The following SBF2 variants were observed in gnomAD, a reference collection of about 807,000 sequenced individuals.
SBF2 encodes the protein SET binding factor 2.
In SBF2, 112 loss-of-function variants were observed where a neutral mutation model predicts 225.2. The observed-to-expected ratio is 0.50, with a 90% CI of 0.43 to 0.58. The LOEUF (loss-of-function observed/expected upper bound fraction) is 0.58. Among genes scored for constraint, SBF2 ranks in the 20% least tolerant of loss-of-function variants. SBF2 has a pLI of 0.00. For missense variants in SBF2, 1,996 were observed against 2,206.2 expected (o/e 0.90, Z 1.91); for synonymous variants, 763 against 773.3 (o/e 0.99, Z 0.22).
intron 16 of SBF2, among the ~76,000 whole-genome samples, chr11:9,906,613 G>T (rs1590394732): frequency 6.6e-6 from 1 of 152,144 alleles, no homozygotes; most frequent in South Asian, 2.1e-4. Context: ...TTGAAAGAGG[G>T]AAAAAATTTA....
intron 17 of SBF2, among the ~76,000 whole-genome samples, chr11:9,887,696 G>C (rs867420647): frequency 5.3e-5 from 8 of 152,004 alleles, no homozygotes; most frequent in Non-Finnish European, 1.0e-4. Flanking sequence ...ACTGATGCTT[G>C]TCTTCACTCT....
intron 16 of SBF2, among the ~76,000 whole-genome samples, chr11:9,950,163 G>A (rs1042160910): frequency 6.6e-6 from 1 of 151,858 alleles, no homozygotes; most frequent in African/African-American, 2.4e-5. Context: ...AAAAAAAAGT[G>A]TCCTGAGATC....
At chr11:9,848,022 T>C (rs1856676461) in intron 22 of SBF2, among the ~76,000 whole-genome samples, 1 of 151,942 alleles carries the variant, frequency 6.6e-6, no homozygotes, top group Admixed American at 6.6e-5. Context: ...GAAGAGCATT[T>C]TAGGCAGTGG....
intron 27 of SBF2, among the ~76,000 whole-genome samples, chr11:9,831,077 T>C (rs984443051): frequency 6.6e-5 from 10 of 152,298 alleles, no homozygotes; most frequent in East Asian, 3.9e-4. Flanking sequence ...TGGCTCACTA[T>C]AGCCTTTACC....
intron 6 of SBF2, among the ~76,000 whole-genome samples, chr11:10,021,751 C>T (rs1172070994): frequency 6.6e-6 from 1 of 152,158 alleles, no homozygotes; most frequent in African/African-American, 2.4e-5. Context: ...TCCGCTACCA[C>T]CACTACCCCC....
intron 2 of SBF2, among the ~76,000 whole-genome samples, chr11:10,146,212 G>GA (rs1208951469): frequency 7.2e-5 from 11 of 151,912 alleles, no homozygotes; most frequent in Non-Finnish European, 1.3e-4. Context: ...TCAAAAACTA[G>GA]AAAAAACATT....
At chr11:10,032,979 G>T (rs990787740) in intron 3 of SBF2, among the ~76,000 whole-genome samples, 1 of 152,222 alleles carries the variant, frequency 6.6e-6, no homozygotes, top group East Asian at 1.9e-4. Context: ...CCAAGTATTA[G>T]ATGTCTGTGG....
At chr11:9,794,292 G>C (rs549843146) in intron 33 of SBF2, among the ~76,000 whole-genome samples, 1 of 152,104 alleles carries the variant, frequency 6.6e-6, no homozygotes, top group East Asian at 1.9e-4. Context: ...AAATACCTGC[G>C]TTTTACTCCC....
chr11:10,210,552 G>C (rs1957901409), intron 1 of SBF2, among the ~76,000 whole-genome samples: 1 of 151,988 alleles, frequency 6.6e-6, no homozygotes, highest in Non-Finnish European at 1.5e-5. Flanking sequence ...ATTTCTAAAG[G>C]AGAAAAAAAT....
intron 16 of SBF2, among the ~76,000 whole-genome samples, chr11:9,900,471 TTTAAA>T (rs1160965060): frequency 6.6e-6 from 1 of 152,120 alleles, no homozygotes; most frequent in Non-Finnish European, 1.5e-5. Flanking sequence ...TGTCACTCTC[TTTAAA>T]TTAGCCAATC....
intron 2 of SBF2, among the ~76,000 whole-genome samples, chr11:10,162,414 A>G (rs916518939): frequency 1.3e-5 from 2 of 152,182 alleles, no homozygotes; most frequent in African/African-American, 4.8e-5. Flanking sequence ...TGAGCACCCA[A>G]AGAGTTTCTG....
At chr11:9,841,078 G>A (rs1373495596) in intron 25 of SBF2, among the ~76,000 whole-genome samples, 1 of 152,066 alleles carries the variant, frequency 6.6e-6, no homozygotes, top group Non-Finnish European at 1.5e-5. Flanking sequence ...AAGTACTAAT[G>A]TGCAGGCAAA....
At chr11:10,028,579 A>C (rs1197358915) in intron 5 of SBF2, 22 bp from the exon 6 acceptor site, 10 of 1,375,918 alleles carry the variant, frequency 7.3e-6, no homozygotes, top group Non-Finnish European at 9.3e-6. Flanking sequence ...GAGAAACACA[A>C]ACACACACAC....
At chr11:10,283,695 A>G (rs1373452051) in intron 1 of SBF2, among the ~76,000 whole-genome samples, 1 of 152,214 alleles carries the variant, frequency 6.6e-6, no homozygotes, top group East Asian at 1.9e-4. Flanking sequence ...AAATCTCAGT[A>G]AAAGAAAGTA....
At chr11:9,953,799 T>C (rs1379234078) in intron 16 of SBF2, among the ~76,000 whole-genome samples, 1 of 152,172 alleles carries the variant, frequency 6.6e-6, no homozygotes, top group Non-Finnish European at 1.5e-5. Flanking sequence ...ACCAAAATAA[T>C]GGTTTATATT....
intron 1 of SBF2, among the ~76,000 whole-genome samples, chr11:10,198,871 A>C (rs1055737895): frequency 2.0e-5 from 3 of 152,222 alleles, no homozygotes; most frequent in African/African-American, 7.2e-5. Context: ...GCCTACACAG[A>C]TTTGAAGAGA....
intron 12 of SBF2, among the ~76,000 whole-genome samples, chr11:9,989,816 A>G (rs571744701): frequency 2.0e-5 from 3 of 152,216 alleles, no homozygotes; most frequent in African/African-American, 7.2e-5. Flanking sequence ...TTAGGGCCCT[A>G]TTTCTTCTAG....
chr11:10,183,563 T>C (rs1029124102), intron 2 of SBF2, among the ~76,000 whole-genome samples: 3 of 152,210 alleles, frequency 2.0e-5, no homozygotes, highest in Non-Finnish European at 4.4e-5. Flanking sequence ...ACATTTAGAC[T>C]ATGATCCATT....
Position 10,184,272 on chromosome 11 carries a change from C to CTAA in SBF2, c.141+9627_141+9629dup, listed in dbSNP as rs1269113900. Reference sequence around the variant, plus strand: ...TGGATCTACATGTCTATTCCTTAAGCTAATACCATACTGTCTTGATTATTG... The same window carrying CTAA: ...TGGATCTACATGTCTATTCCTTAAGCTAATAATACCATACTGTCTTGATTATTG... On this transcript the variant is annotated intron_variant, in intron 2 of 39. Transcript: ENST00000256190. 5.9e-5 allele frequency among the ~76,000 whole-genome samples: 9 copies of CTAA among 152,274 alleles called. No individual in the cohort carries two copies. The East Asian group carries it at 1.7e-3, about 29-fold the overall frequency.
Sources: gnomAD v4.1 joint callset for allele counts (sites outside exome capture counted in the v4.1 genomes callset) on GRCh38, gnomAD v4.1.1 for gene constraint, MANE v1.5 for transcripts, NCBI Gene and HGNC (gene_info 2026-07-23, HGNC 2026-07-21) for gene names.